SLC26A3: variants seen among roughly 807,000 people sequenced by gnomAD.
The protein encoded by SLC26A3 is solute carrier family 26 member 3, also known as chloride anion exchanger.
In SLC26A3, 64 loss-of-function variants were observed where a neutral mutation model predicts 85.6. The ratio of observed to expected loss-of-function variants is 0.75; its 90% CI spans 0.61 to 0.92. The LOEUF (loss-of-function observed/expected upper bound fraction) is 0.92. SLC26A3 is among the 40% of genes least tolerant of loss of function. The pLI, the probability that SLC26A3 is intolerant of heterozygous loss-of-function variation, is 0.00. For synonymous variants in SLC26A3, 349 were observed against 336.0 expected (o/e 1.04, Z -0.42); for missense variants, 922 against 927.3 (o/e 0.99, Z 0.07).
rs1794316726 is a variant in SLC26A3, at chr7:107,787,480, C to T, written c.765G>A (p.Glu255=). ...TCACCAGGTCTGCAATATTAGTCTTCTCTATTTGTGAGAATACAGAGTATA... is the reference window on the plus strand; with the variant it reads ...TCACCAGGTCTGCAATATTAGTCTTTTCTATTTGTGAGAATACAGAGTATA... ...KVLYSVFSQI[E]KTNIADLVTA... Residue 255 remains glutamate, a synonymous_variant, in exon 7 of 21, where the codon GAG becomes GAA. Coordinates refer to ENST00000340010, the MANE Select transcript of SLC26A3 (RefSeq NM_000111.3). The T allele has an allele frequency of 1.9e-6, 3 of 1,613,658 alleles. No individual in the cohort carries two copies. The highest frequency in any genetic ancestry group is 2.5e-6 in the Non-Finnish European group (3 of 1,179,824).
At chr7:107,802,871 T>A (rs1290136538) in intron 1 of SLC26A3, among the ~76,000 whole-genome samples, 1 of 152,008 alleles carries the variant, frequency 6.6e-6, no homozygotes, top group Non-Finnish European at 1.5e-5. Flanking sequence ...AAAAGGCTAT[T>A]TAAGACTTAA....
At chr7:107,767,717 G>A (rs1584398999) in intron 19 of SLC26A3, 49 bp downstream of exon 19, 1 of 1,610,980 alleles carries the variant, frequency 6.2e-7, no homozygotes, top group Non-Finnish European at 8.5e-7. Context: ...AATTTAAGGA[G>A]TGCAGATGGC....
At chr7:107,773,240 C>A (rs1313573005) in intron 17 of SLC26A3, among the ~76,000 whole-genome samples, 1 of 152,190 alleles carries the variant, frequency 6.6e-6, no homozygotes, top group African/African-American at 2.4e-5. Context: ...AAAGGATCCA[C>A]TCTTACATTT....
chr7:107,796,610 T>C (rs1321318807), intron 1 of SLC26A3, among the ~76,000 whole-genome samples: 4 of 152,222 alleles, frequency 2.6e-5, no homozygotes, highest in Non-Finnish European at 4.4e-5. Flanking sequence ...GTGCAGAGCA[T>C]GGATTTTTGT....
At chr7:107,792,945 T>C (rs1319062750) in intron 3 of SLC26A3, among the ~76,000 whole-genome samples, 1 of 152,174 alleles carries the variant, frequency 6.6e-6, no homozygotes, top group Non-Finnish European at 1.5e-5. Context: ...TGAATAGACA[T>C]GTTTCAAAAG....
chr7:107,778,359 A>AATT, intron 12 of SLC26A3, 78 bp from the exon 13 acceptor site: 9 of 453,050 alleles, frequency 2.0e-5, no homozygotes, highest in Admixed American at 4.0e-5. Context: ...TTTTAAAAAG[A>AATT]CTTTTTTTTT....
intron 13 of SLC26A3, among the ~76,000 whole-genome samples, chr7:107,777,719 A>G (rs189532572): frequency 5.3e-5 from 8 of 152,320 alleles, no homozygotes; most frequent in Admixed American, 3.3e-4. Context: ...GAAGTTCTCT[A>G]ATCCAGCTCC....
At chr7:107,777,283 T>G (rs1258566778) in intron 13 of SLC26A3, among the ~76,000 whole-genome samples, 1 of 152,182 alleles carries the variant, frequency 6.6e-6, no homozygotes, top group Non-Finnish European at 1.5e-5. Flanking sequence ...ATGGTAGTGA[T>G]GTTACATGGC....
rs867035245 is a variant in SLC26A3 at position 107,775,958 on chromosome 7, G to A, written c.1677+494C>T. On this transcript the variant is annotated intron_variant, in intron 15 of 20. Transcript: ENST00000340010. ...GGCATGTTTCAAGAGGGAGGACTGA[G>A]CTTTTTTTCTTAACTGTCAAGACTG... 59 of 203,646 alleles carry A rather than the reference G, an allele frequency of 2.9e-4. No individual in the cohort carries two copies. The Middle Eastern group carries it at 0.011, about 38-fold the overall frequency. The allele number at this position is 203,646 out of a possible 1,614,324, so 12.6% of individuals were successfully genotyped here.
chr7:107,770,174 TTTTTTTTAAAAAAAAAAAGGG>T (rs1793999922), intron 18 of SLC26A3, among the ~76,000 whole-genome samples: 1 of 13,420 alleles, frequency 7.5e-5, no homozygotes, highest in East Asian at 8.2e-4. Flanking sequence ...TTTTTTTTTT[TTTTTTTTAAAAAAAAAAAGGG>T]GTTTTTTTTT....
chr7:107,793,313 C>G (rs1794434985), intron 3 of SLC26A3, among the ~76,000 whole-genome samples: 1 of 152,126 alleles, frequency 6.6e-6, no homozygotes, highest in African/African-American at 2.4e-5. Flanking sequence ...ACTCATAACT[C>G]ATAATAGCCC....
At chr7:107,779,141 T>A (rs1794176982) in intron 12 of SLC26A3, among the ~76,000 whole-genome samples, 1 of 152,220 alleles carries the variant, frequency 6.6e-6, no homozygotes, top group African/African-American at 2.4e-5. Context: ...AAGTGTAGTT[T>A]ACTAGTTATG....
At chr7:107,800,174 C>T (rs1481011949) in intron 1 of SLC26A3, among the ~76,000 whole-genome samples, 1 of 152,164 alleles carries the variant, frequency 6.6e-6, no homozygotes, top group East Asian at 1.9e-4. Flanking sequence ...TTCTCCAATA[C>T]CTGGTAGATT....
chr7:107,800,394 A>C (rs1223353485), intron 1 of SLC26A3, among the ~76,000 whole-genome samples: 1 of 152,240 alleles, frequency 6.6e-6, no homozygotes, highest in Non-Finnish European at 1.5e-5. Flanking sequence ...TTCCTTCAAC[A>C]AACATGTATC....
chr7:107,778,846 C>A (rs1178016998), intron 12 of SLC26A3, among the ~76,000 whole-genome samples: 1 of 151,888 alleles, frequency 6.6e-6, no homozygotes, highest in East Asian at 1.9e-4. Context: ...AAAAAAATAG[C>A]TGAGGATGGT....
intron 16 of SLC26A3, 78 bp from the exon 17 acceptor site, chr7:107,774,231 A>G (rs952743414): frequency 6.9e-6 from 8 of 1,151,982 alleles, no homozygotes; most frequent in Non-Finnish European, 1.0e-5. Flanking sequence ...AGTGAGTTTC[A>G]GAAGCACTGA....
At chr7:107,792,538 C>T (rs1394182292) in intron 3 of SLC26A3, among the ~76,000 whole-genome samples, 2 of 151,998 alleles carry the variant, frequency 1.3e-5, no homozygotes, top group African/African-American at 2.4e-5. Context: ...ATAATGTTGT[C>T]GCTGATCTAA....
chr7:107,783,373 G>C, intron 8 of SLC26A3, 21 bp from the exon 9 acceptor site: 2 of 1,613,928 alleles, frequency 1.2e-6, no homozygotes, highest in Non-Finnish European at 1.7e-6. Context: ...AATTAAGCAA[G>C]TCTGAATGTC....
chr7:107,778,239 G>T lies in SLC26A3; in HGVS notation c.1450C>A (p.Leu484Ile). ...ACACTAGCTGCCAGGCCTAACCCGA[G>T]TCCCAGGACAATGGTGAAGATGAAG... ...MTFIFTIVLG[L>I]GLGLAASVAF... The change falls in exon 13 of 21, where the codon CTC becomes ATC. Residue 484 changes from leucine (L) to isoleucine (I), a missense_variant. Leu to Ile is a conservative substitution (Grantham distance 5, BLOSUM62 2). Coordinates refer to ENST00000340010, the MANE Select transcript of SLC26A3 (RefSeq NM_000111.3). The T allele has an allele frequency of 6.2e-7, 1 of 1,613,894 alleles. No homozygotes were observed. Among genetic ancestry groups the T allele is most frequent in the Non-Finnish European group, 8.5e-7 (1 of 1,179,912 alleles).
Sources: allele counts gnomAD v4.1 joint callset (sites outside exome capture counted in the v4.1 genomes callset), GRCh38; gene constraint gnomAD v4.1.1; transcripts MANE v1.5; gene names NCBI Gene and HGNC (gene_info 2026-07-23, HGNC 2026-07-21).